The following ERICH3 variants were observed in gnomAD, a reference collection of about 807,000 sequenced individuals.
ERICH3 encodes the protein glutamate-rich protein 3.
A neutral mutation model predicts 131.1 loss-of-function variants in ERICH3; 126 were observed. That is an observed-to-expected ratio of 0.96 (90% CI 0.83 to 1.11). The LOEUF is 1.11. Among genes scored for constraint, ERICH3 ranks in the 50% most tolerant of loss-of-function variants. The pLI, the probability that ERICH3 is intolerant of heterozygous loss-of-function variation, is 0.00. For missense variants in ERICH3, 2,050 were observed against 1,810.7 expected, an observed-to-expected ratio of 1.13 and a Z score of -2.40; for synonymous variants, 695 against 644.6, an observed-to-expected ratio of 1.08 and a Z score of -1.18.
Position 74,572,105 on chromosome 1 carries a change from C to T in ERICH3, c.3605G>A (p.Arg1202Lys). 4 of 1,614,252 alleles carry T rather than the reference C, an allele frequency of 2.5e-6. No homozygotes were observed. The highest frequency in any genetic ancestry group is 1.1e-5 in the South Asian group (1 of 91,090). ...TTGGCGGTGCCCTTCCTTCAGGGCC[C>T]TATTCTCCCTGCTGGACAGCTCTTC... ...DREELSSRENRALKEGHRQDG... is the reference protein window; with the variant it reads ...DREELSSRENKALKEGHRQDG... The change falls in exon 14 of 15, where the codon AGG becomes AAG. Residue 1202 changes from arginine to lysine, a missense_variant. Physicochemically the swap from Arg to Lys is conservative, Grantham distance 26. Coordinates refer to ENST00000326665, the MANE Select transcript of ERICH3 (RefSeq NM_001002912.5).
chr1:74,579,703 G>C, intron 12 of ERICH3: 1 of 985,328 alleles, frequency 1.0e-6, no homozygotes, highest in South Asian at 4.7e-5. Context: ...TCCACCCATA[G>C]TAAAAGAGGA....
intron 7 of ERICH3, among the ~76,000 whole-genome samples, chr1:74,629,678 C>T (rs1188419452): frequency 6.6e-6 from 1 of 152,198 alleles, no homozygotes; most frequent in Non-Finnish European, 1.5e-5. Context: ...CCTTGACACA[C>T]TCATGACCTG....
intron 11 of ERICH3, among the ~76,000 whole-genome samples, chr1:74,592,660 C>T (rs1445880704): frequency 6.6e-6 from 1 of 152,142 alleles, no homozygotes; most frequent in Admixed American, 6.6e-5. Flanking sequence ...GAAATATACT[C>T]TGGTTCAAGT....
intron 1 of ERICH3, among the ~76,000 whole-genome samples, chr1:74,650,727 T>C (rs1570908529): frequency 6.6e-6 from 1 of 152,246 alleles, no homozygotes; most frequent in East Asian, 1.9e-4. Flanking sequence ...AATTTAAAAC[T>C]TATACGTTGT....
chr1:74,612,555 T>A, intron 9 of ERICH3, 68 bp downstream of exon 9: 1 of 1,336,982 alleles, frequency 7.5e-7, no homozygotes. Flanking sequence ...GAGAAATGCA[T>A]TAGTAAAGGC....
rs1460532082 is a variant in ERICH3, at chr1:74,568,993, A to C, written c.*1465T>G. The stretch of plus-strand genomic sequence containing the variant: ...TGCTGATGCTTCTGATCAAGGGACC[A>C]GTCTACTATCTGGTCCAGTGTATTT... On this transcript the variant is annotated 3_prime_UTR_variant, in exon 15 of 15. Transcript: ENST00000326665. 1 of 152,170 alleles carries C rather than the reference A, an allele frequency of 6.6e-6. No homozygotes were observed. The highest frequency in any genetic ancestry group is 2.4e-5 in the African/African-American group (1 of 41,450). 9.4% of individuals were successfully genotyped at this position (152,170 alleles called of 1,614,324 possible). A position where few individuals can be genotyped will look rare whatever the true frequency, so the allele number is the denominator to read the frequency against.
At chr1:74,659,036 T>C (rs1408116693) in intron 1 of ERICH3, among the ~76,000 whole-genome samples, 1 of 152,120 alleles carries the variant, frequency 6.6e-6, no homozygotes, top group East Asian at 1.9e-4. Context: ...GAAAGGAAAA[T>C]ATAACATGGT....
At chr1:74,629,045 A>G (rs1275484562) in intron 7 of ERICH3, among the ~76,000 whole-genome samples, 1 of 152,144 alleles carries the variant, frequency 6.6e-6, no homozygotes, top group African/African-American at 2.4e-5. Flanking sequence ...AAAGGATATT[A>G]TTCTTTCCCA....
At chr1:74,617,144 A>C (rs1649001031) in intron 8 of ERICH3, among the ~76,000 whole-genome samples, 1 of 148,568 alleles carries the variant, frequency 6.7e-6, no homozygotes, top group African/African-American at 2.5e-5. Context: ...TAATTTTGGT[A>C]AGTTACTAAA....
At chr1:74,672,128 G>T (rs1272529360) in intron 1 of ERICH3, among the ~76,000 whole-genome samples, 6 of 152,128 alleles carry the variant, frequency 3.9e-5, no homozygotes, top group African/African-American at 1.2e-4. Context: ...TTATTAAATG[G>T]TCTAATCAGA....
intron 1 of ERICH3, among the ~76,000 whole-genome samples, chr1:74,671,807 T>C (rs1296269826): frequency 6.6e-6 from 1 of 152,222 alleles, no homozygotes. Context: ...GGCAATACCA[T>C]TTATTCAGCA....
At chr1:74,651,438 C>A (rs1208389723) in intron 1 of ERICH3, among the ~76,000 whole-genome samples, 1 of 152,088 alleles carries the variant, frequency 6.6e-6, no homozygotes, top group Non-Finnish European at 1.5e-5. Context: ...AAAACCAGCT[C>A]CGGATAATGC....
intron 11 of ERICH3, among the ~76,000 whole-genome samples, chr1:74,590,809 A>G (rs1353202064): frequency 6.6e-6 from 1 of 152,202 alleles, no homozygotes; most frequent in Non-Finnish European, 1.5e-5. Flanking sequence ...TCAATGGAAT[A>G]TATGAGTATA....
intron 1 of ERICH3, among the ~76,000 whole-genome samples, chr1:74,668,279 A>G (rs1646710107): frequency 6.6e-6 from 1 of 152,076 alleles, no homozygotes; most frequent in African/African-American, 2.4e-5. Context: ...CTACTTTTTT[A>G]TAATTATCTT....
intron 7 of ERICH3, chr1:74,621,896 A>G (rs943918549): frequency 1.3e-5 from 2 of 152,156 alleles, no homozygotes; most frequent in African/African-American, 2.4e-5. Flanking sequence ...GTAGGCCTCT[A>G]GAATTGTACA....
intron 9 of ERICH3, among the ~76,000 whole-genome samples, chr1:74,607,260 G>C (rs141582385): frequency 7.3e-5 from 11 of 151,688 alleles, no homozygotes; most frequent in African/African-American, 2.2e-4. Context: ...AATATAGGTG[G>C]GTATATAATT....
intron 1 of ERICH3, among the ~76,000 whole-genome samples, chr1:74,669,747 G>A (rs111600758): frequency 3.2e-4 from 49 of 152,256 alleles, no homozygotes; most frequent in East Asian, 1.2e-3. Context: ...GAACAAAGCC[G>A]GCACAGGCCC....
At chr1:74,629,723 C>CTGTT in intron 7 of ERICH3, among the ~76,000 whole-genome samples, 1 of 152,292 alleles carries the variant, frequency 6.6e-6, no homozygotes, top group East Asian at 1.9e-4. Context: ...GCTTTTAAAA[C>CTGTT]TGTTTAAAAA....
intron 12 of ERICH3, chr1:74,579,914 T>G (rs1366772002): frequency 1.6e-6 from 1 of 616,150 alleles, no homozygotes. Flanking sequence ...GAAAGTCAGC[T>G]TTTTTTTTTT....
Sources: gnomAD v4.1 joint callset for allele counts (sites outside exome capture counted in the v4.1 genomes callset) on GRCh38, gnomAD v4.1.1 for gene constraint, MANE v1.5 for transcripts, NCBI Gene and HGNC (gene_info 2026-07-23, HGNC 2026-07-21) for gene names.